The following STK39 variants were observed in gnomAD, a reference collection of about 807,000 sequenced individuals.
STK39 encodes serine/threonine kinase 39, also known as STE20/SPS1-related proline-alanine-rich protein kinase.
Under a neutral mutation model 77.8 loss-of-function variants are expected in STK39, and 20 were observed. The ratio of observed to expected loss-of-function variants is 0.26; its 90% CI spans 0.18 to 0.37. STK39 has a LOEUF of 0.37. Among genes scored for constraint, STK39 ranks in the 10% least tolerant of loss-of-function variants. The probability of loss-of-function intolerance (pLI) is 1.00; values close to 1 mark genes in which losing one functional copy is unlikely to be tolerated. For synonymous variants in STK39, 246 were observed against 234.1 expected, an observed-to-expected ratio of 1.05 and a Z score of -0.47; for missense variants, 479 against 656.5, an observed-to-expected ratio of 0.73 and a Z score of 2.95.
intron 10 of STK39, among the ~76,000 whole-genome samples, chr2:168,091,150 G>GAA (rs1553521590): frequency 6.8e-6 from 1 of 147,542 alleles, no homozygotes; most frequent in Non-Finnish European, 1.5e-5. Context: ...ACAAACAGGT[G>GAA]CACACACACA....
chr2:168,066,514 T>A (rs1685799625), intron 12 of STK39, among the ~76,000 whole-genome samples: 2 of 152,250 alleles, frequency 1.3e-5, no homozygotes, highest in African/African-American at 4.8e-5. Flanking sequence ...CAAAGAATCT[T>A]TCAGGGTGAT....
At chr2:167,995,008 A>G (rs1036305327) in intron 16 of STK39, among the ~76,000 whole-genome samples, 4 of 152,046 alleles carry the variant, frequency 2.6e-5, no homozygotes, top group African/African-American at 9.7e-5. Context: ...TGAAATCTCA[A>G]TGATGACTAC....
At chr2:168,138,723 A>G (rs1176236243) in intron 7 of STK39, among the ~76,000 whole-genome samples, 2 of 152,208 alleles carry the variant, frequency 1.3e-5, no homozygotes, top group Non-Finnish European at 2.9e-5. Context: ...ATGAGAAAAC[A>G]TACAGAAAAT....
intron 10 of STK39, among the ~76,000 whole-genome samples, chr2:168,104,461 C>T (rs1449532152): frequency 1.3e-5 from 2 of 152,028 alleles, no homozygotes; most frequent in Admixed American, 1.3e-4. Context: ...CACAAAAATT[C>T]AGAAAAGAAA....
chr2:168,159,547 T>C (rs192517962), intron 5 of STK39, among the ~76,000 whole-genome samples: 28 of 152,350 alleles, frequency 1.8e-4, no homozygotes, highest in Admixed American at 1.8e-3. Context: ...TTTAAGGCAA[T>C]AACCTTATAT....
chr2:168,103,092 T>C (rs559478284), intron 10 of STK39, among the ~76,000 whole-genome samples: 1 of 152,184 alleles, frequency 6.6e-6, no homozygotes, highest in African/African-American at 2.4e-5. Flanking sequence ...ACATCTGAGG[T>C]CTACCTTGAG....
chr2:168,157,717 C>T (rs1023212086), intron 5 of STK39, among the ~76,000 whole-genome samples: 1 of 152,114 alleles, frequency 6.6e-6, no homozygotes, highest in African/African-American at 2.4e-5. Context: ...CCTCCTAACA[C>T]CATCACATTG....
intron 1 of STK39, among the ~76,000 whole-genome samples, chr2:168,235,065 T>A (rs1690563562): frequency 6.7e-6 from 1 of 148,846 alleles, no homozygotes; most frequent in African/African-American, 2.5e-5. Context: ...TGAAACAGAG[T>A]CTCACTCTGT....
At chr2:168,102,644 T>C (rs972033145) in intron 10 of STK39, among the ~76,000 whole-genome samples, 3 of 152,074 alleles carry the variant, frequency 2.0e-5, no homozygotes, top group Non-Finnish European at 4.4e-5. Flanking sequence ...AAAAATCTCT[T>C]CTCAGCCAGG....
At chr2:168,204,318 G>C (rs1298242357) in intron 1 of STK39, among the ~76,000 whole-genome samples, 1 of 152,120 alleles carries the variant, frequency 6.6e-6, no homozygotes, top group African/African-American at 2.4e-5. Flanking sequence ...GGTTTCCTCA[G>C]CCCACCAAGG....
intron 1 of STK39, among the ~76,000 whole-genome samples, chr2:168,241,087 G>A (rs1226351721): frequency 1.3e-5 from 2 of 152,200 alleles, no homozygotes; most frequent in Non-Finnish European, 2.9e-5. Context: ...AGGAAGAAAC[G>A]AGATAACCGA....
chr2:168,118,079 C>G (rs1348375509), intron 10 of STK39, among the ~76,000 whole-genome samples: 2 of 151,978 alleles, frequency 1.3e-5, no homozygotes, highest in Non-Finnish European at 2.9e-5. Context: ...TGAATAAAGG[C>G]CACCTACCGT....
At chr2:168,037,110 A>G (rs1684975978) in intron 14 of STK39, among the ~76,000 whole-genome samples, 1 of 152,198 alleles carries the variant, frequency 6.6e-6, no homozygotes, top group African/African-American at 2.4e-5. Context: ...CTTTTTATAT[A>G]AGAGTGAGTT....
rs540849743 is a variant in STK39 at position 168,151,698 on chromosome 2, C to T, written c.628+10089G>A. ...AGGTTGCAGTGAGCCGAGATCACGC[C>T]ACTGCACTCCAGCCTGGGCGACAGA... On this transcript the variant is annotated intron_variant, in intron 5 of 17. Coordinates refer to ENST00000355999, the MANE Select transcript of STK39 (RefSeq NM_013233.3). 1.2e-4 allele frequency among the ~76,000 whole-genome samples: 18 copies of T among 150,210 alleles called. No individual in the cohort carries two copies. In the South Asian group the frequency reaches 3.4e-3, roughly 28 times the overall value.
At chr2:168,054,374 G>C (rs911230619) in intron 14 of STK39, among the ~76,000 whole-genome samples, 5 of 152,214 alleles carry the variant, frequency 3.3e-5, no homozygotes, top group Admixed American at 3.3e-4. Flanking sequence ...TGAAATTCTG[G>C]TAACAATAGG....
chr2:168,019,109 G>C (rs762767764), intron 14 of STK39, among the ~76,000 whole-genome samples: 4 of 151,818 alleles, frequency 2.6e-5, no homozygotes, highest in Non-Finnish European at 1.5e-5. Flanking sequence ...GGGCTAAAAT[G>C]GGACCAGGGA....
chr2:167,968,085 C>CCAGCTGCATCCATGT (rs1692210666), intron 16 of STK39, among the ~76,000 whole-genome samples: 1 of 152,160 alleles, frequency 6.6e-6, no homozygotes, highest in South Asian at 2.1e-4. Context: ...ATAACGGCCT[C>CCAGCTGCATCCATGT]CAGCTGCATC....
chr2:167,956,397 A>C (rs947924080), intron 17 of STK39, among the ~76,000 whole-genome samples: 1 of 151,994 alleles, frequency 6.6e-6, no homozygotes. Context: ...TCTCTACTAA[A>C]ATACAAAAAA....
rs143234743 is a variant in STK39, at chr2:168,150,982, C to T, written c.629-10224G>A. Among the ~76,000 whole-genome samples, 13 of 152,104 alleles carry T rather than the reference C, an allele frequency of 8.5e-5. No homozygotes were observed. The East Asian group carries it at 2.2e-3, about 25-fold the overall frequency. On this transcript the variant is annotated intron_variant, in intron 5 of 17. Transcript: ENST00000355999. ...CTCCTGGTTTTCATTTCTATTTATTCCTTCTTGAAAGCAAATGGTGCTCAA... is the reference window on the plus strand; with the variant it reads ...CTCCTGGTTTTCATTTCTATTTATTTCTTCTTGAAAGCAAATGGTGCTCAA...
Sources: allele counts gnomAD v4.1 joint callset (sites outside exome capture counted in the v4.1 genomes callset), GRCh38; gene constraint gnomAD v4.1.1; transcripts MANE v1.5; gene names NCBI Gene and HGNC (gene_info 2026-07-23, HGNC 2026-07-21).